The following NEBL variants were observed in gnomAD, a reference collection of about 807,000 sequenced individuals.
The protein encoded by NEBL is LIM and SH3 protein 2.
In NEBL, 122 loss-of-function variants were observed where a neutral mutation model predicts 140.2. The ratio of observed to expected loss-of-function variants is 0.87; its 90% confidence interval spans 0.75 to 1.01. NEBL has a LOEUF of 1.01. NEBL is among the 50% of genes least tolerant of loss of function. The pLI is 0.00. For missense variants in NEBL, 1,365 were observed against 1,231.3 expected, an observed-to-expected ratio of 1.11 and a Z score of -1.62; for synonymous variants, 436 against 398.9, an observed-to-expected ratio of 1.09 and a Z score of -1.11.
chr10:21,182,218 T>TC (rs1438317266), intron 3 of NEBL, among the ~76,000 whole-genome samples: 3 of 151,644 alleles, frequency 2.0e-5, no homozygotes, highest in African/African-American at 7.3e-5. Flanking sequence ...ACACCTGTAA[T>TC]CCCAGCACTT....
In NEBL at chr10:20,784,196, G is replaced by A. The variant is rs572544903; in HGVS notation, c.*1551C>T. The A allele has an allele frequency of 1.3e-5, 2 of 152,194 alleles. No individual in the cohort carries two copies. Among genetic ancestry groups the A allele is most frequent in the African/African-American group, 4.8e-5 (2 of 41,536 alleles). The allele number at this position is 152,194 out of a possible 1,614,324, so 9.4% of individuals were successfully genotyped here. ...TTTGCAGTTTTGCTTTTTCGGTTTT[G>A]TCATAGCTGTGAAGTCAGACCCTAA... On this transcript the variant is annotated 3_prime_UTR_variant, in exon 28 of 28. Transcript: ENST00000377122.
chr10:20,948,917 A>C (rs913065380), intron 4 of NEBL, among the ~76,000 whole-genome samples: 1 of 152,162 alleles, frequency 6.6e-6, no homozygotes, highest in African/African-American at 2.4e-5. Context: ...CACTAAAACC[A>C]ATGTTTCTCT....
intron 1 of NEBL, among the ~76,000 whole-genome samples, chr10:21,279,269 G>T (rs1216415916): frequency 6.7e-6 from 1 of 148,364 alleles, no homozygotes; most frequent in African/African-American, 2.5e-5. Context: ...CACAAAAATA[G>T]CCATCTTTTT....
chr10:21,263,958 T>G (rs943126700), intron 1 of NEBL, among the ~76,000 whole-genome samples: 1 of 152,094 alleles, frequency 6.6e-6, no homozygotes, highest in South Asian at 2.1e-4. Context: ...ACAGTGAAAC[T>G]CCGTCTCAAA....
intron 5 of NEBL, among the ~76,000 whole-genome samples, chr10:20,872,992 C>T (rs1845120727): frequency 6.6e-6 from 1 of 152,176 alleles, no homozygotes; most frequent in South Asian, 2.1e-4. Context: ...AACTTGCTTT[C>T]ACTTTATGGA....
chr10:20,794,643 G>C (rs1178756285), intron 26 of NEBL, among the ~76,000 whole-genome samples: 1 of 152,138 alleles, frequency 6.6e-6, no homozygotes, highest in Non-Finnish European at 1.5e-5. Context: ...AAGCACTCAG[G>C]TGTATACCCC....
intron 3 of NEBL, among the ~76,000 whole-genome samples, chr10:21,204,579 G>A (rs188585639): frequency 5.3e-5 from 8 of 152,262 alleles, no homozygotes; most frequent in South Asian, 4.2e-4. Context: ...TGGACTTCCC[G>A]CCTCCAGAAC....
At chr10:21,052,155 C>T (rs527325963) in intron 2 of NEBL, among the ~76,000 whole-genome samples, 41 of 152,226 alleles carry the variant, frequency 2.7e-4, no homozygotes, top group African/African-American at 8.2e-4. Context: ...GAAGTGTTTG[C>T]GCTTTTTCCT....
intron 3 of NEBL, among the ~76,000 whole-genome samples, chr10:21,231,868 G>GA (rs370514373): frequency 6.6e-6 from 1 of 151,994 alleles, no homozygotes; most frequent in African/African-American, 2.4e-5. Context: ...GGACACTTCA[G>GA]AAAAAAAACT....
chr10:21,215,037 T>C (rs1035197598), intron 3 of NEBL, among the ~76,000 whole-genome samples: 4 of 152,184 alleles, frequency 2.6e-5, no homozygotes, highest in African/African-American at 9.7e-5. Flanking sequence ...CATGAAGAGA[T>C]GTCAACTTCC....
intron 2 of NEBL, among the ~76,000 whole-genome samples, chr10:21,094,705 G>T (rs1052761497): frequency 6.6e-6 from 1 of 152,044 alleles, no homozygotes; most frequent in Non-Finnish European, 1.5e-5. Flanking sequence ...CCAGAAGTCT[G>T]CTCCTTTGTA....
chr10:20,964,612 T>A (rs1240859872), intron 3 of NEBL, among the ~76,000 whole-genome samples: 1 of 152,146 alleles, frequency 6.6e-6, no homozygotes, highest in Non-Finnish European at 1.5e-5. Flanking sequence ...ACACCTCCCA[T>A]TAGTGCATAC....
At chr10:21,078,209 CTCTT>C (rs1235780008) in intron 2 of NEBL, among the ~76,000 whole-genome samples, 1 of 152,168 alleles carries the variant, frequency 6.6e-6, no homozygotes, top group East Asian at 1.9e-4. Flanking sequence ...ACAAAATAGA[CTCTT>C]TCTAATGACA....
At chr10:21,187,783 G>A (rs755293153) in intron 3 of NEBL, among the ~76,000 whole-genome samples, 1 of 152,084 alleles carries the variant, frequency 6.6e-6, no homozygotes, top group Non-Finnish European at 1.5e-5. Flanking sequence ...CAAAGTGCTG[G>A]GATTACAGAT....
intron 21 of NEBL, 49 bp downstream of exon 21, chr10:20,817,551 G>T (rs758214223): frequency 1.5e-6 from 2 of 1,369,242 alleles, no homozygotes; most frequent in Non-Finnish European, 2.1e-6. Context: ...ATTCACACGT[G>T]GACAATGCAT....
chr10:21,119,260 A>G (rs985818980), intron 2 of NEBL, among the ~76,000 whole-genome samples: 23 of 152,016 alleles, frequency 1.5e-4, no homozygotes, highest in African/African-American at 5.6e-4. Context: ...CTTTCTTCCT[A>G]ACTTTTTATT....
At position 20,974,005 on chromosome 10, in the gene NEBL, G is replaced by T. The variant is rs181343419; in HGVS notation, c.250-12226C>A. 1.6e-3 allele frequency among the ~76,000 whole-genome samples: 245 copies of T among 152,230 alleles called. 2 individuals are homozygous for T. The highest frequency in any genetic ancestry group is 3.1e-3 in the Admixed American group (48 of 15,288). On this transcript the variant is annotated intron_variant, in intron 3 of 6. Coordinates refer to the NEBL transcript ENST00000417816. ...CCAGTATCCTCAAAATTCTCATTTT[G>T]TTCAAGTTAATGAGCATTGGGTACT...
At chr10:21,008,441 A>G (rs539951926) in intron 3 of NEBL, among the ~76,000 whole-genome samples, 1 of 152,224 alleles carries the variant, frequency 6.6e-6, no homozygotes, top group Non-Finnish European at 1.5e-5. Context: ...TTTTCCACAG[A>G]TTTTTGGGGA....
intron 4 of NEBL, among the ~76,000 whole-genome samples, chr10:20,906,425 T>C (rs375143002): frequency 1.2e-4 from 18 of 152,278 alleles, no homozygotes; most frequent in African/African-American, 3.6e-4. Flanking sequence ...ATGAGCCTTA[T>C]TCCAATTATT....
Sources: gnomAD v4.1 joint callset for allele counts (sites outside exome capture counted in the v4.1 genomes callset) on GRCh38, gnomAD v4.1.1 for gene constraint, MANE v1.5 for transcripts, NCBI Gene and HGNC (gene_info 2026-07-23, HGNC 2026-07-21) for gene names.